The following NAALADL2 variants were observed in gnomAD, a reference collection of about 807,000 sequenced individuals.
NAALADL2 encodes N-acetylated alpha-linked acidic dipeptidase like 2.
NAALADL2 carries 76 observed loss-of-function variants against 87.2 expected under a neutral mutation model. The observed-to-expected ratio is 0.87, with a 90% confidence interval of 0.72 to 1.05. NAALADL2 has a LOEUF of 1.05. Among genes scored for constraint, NAALADL2 ranks in the 50% least tolerant of loss-of-function variants. The pLI is 0.00. For missense variants in NAALADL2, 1,089 were observed against 945.8 expected (o/e 1.15, Z -1.99); for synonymous variants, 354 against 331.0 (o/e 1.07, Z -0.75).
At chr3:175,573,907 G>GT (rs1582459836) in intron 9 of NAALADL2, among the ~76,000 whole-genome samples, 3 of 152,094 alleles carry the variant, frequency 2.0e-5, no homozygotes, top group African/African-American at 7.2e-5. Context: ...TTCCAAAGTG[G>GT]TTAATCAGCC....
chr3:175,658,685 A>G (rs1206433241), intron 11 of NAALADL2, among the ~76,000 whole-genome samples: 1 of 152,174 alleles, frequency 6.6e-6, no homozygotes, highest in Admixed American at 6.5e-5. Flanking sequence ...GCAGAAATAT[A>G]TGTATATGTA....
chr3:175,765,004 A>T (rs1328889969), intron 13 of NAALADL2, among the ~76,000 whole-genome samples: 1 of 152,088 alleles, frequency 6.6e-6, no homozygotes, highest in Admixed American at 6.6e-5. Flanking sequence ...ATGGAACTAA[A>T]ATCCCACCAT....
chr3:174,950,603 A>G (rs1740195054), intron 1 of NAALADL2, among the ~76,000 whole-genome samples: 1 of 152,228 alleles, frequency 6.6e-6, no homozygotes, highest in South Asian at 2.1e-4. Context: ...GTTCTTGAAG[A>G]GTTCAAAGCC....
intron 1 of NAALADL2, among the ~76,000 whole-genome samples, chr3:174,548,368 G>A (rs947806664): frequency 6.6e-6 from 1 of 151,968 alleles, no homozygotes; most frequent in Non-Finnish European, 1.5e-5. Context: ...TCAAATTAAT[G>A]TACATATGCA....
chr3:175,330,312 C>T (rs1226497112), intron 5 of NAALADL2, among the ~76,000 whole-genome samples: 2 of 152,086 alleles, frequency 1.3e-5, no homozygotes, highest in Non-Finnish European at 2.9e-5. Flanking sequence ...CTACATTTTG[C>T]AGATGCCTTT....
At chr3:174,984,527 G>T (rs1745567758) in intron 1 of NAALADL2, among the ~76,000 whole-genome samples, 1 of 152,080 alleles carries the variant, frequency 6.6e-6, no homozygotes, top group Non-Finnish European at 1.5e-5. Context: ...AAACCCAATG[G>T]ATCAGAAACT....
At chr3:174,483,322 C>G (rs1192452377) in intron 1 of NAALADL2, among the ~76,000 whole-genome samples, 3 of 152,026 alleles carry the variant, frequency 2.0e-5, no homozygotes, top group Non-Finnish European at 4.4e-5. Flanking sequence ...AGTAGCAAGT[C>G]ACCTTCTTCA....
chr3:174,478,047 G>C (rs759683080), intron 1 of NAALADL2, among the ~76,000 whole-genome samples: 5 of 152,152 alleles, frequency 3.3e-5, no homozygotes, highest in Non-Finnish European at 5.9e-5. Flanking sequence ...CTCAGTTGTT[G>C]GTTTTTTAAG....
chr3:174,625,842 A>G (rs1395324558), intron 2 of NAALADL2, among the ~76,000 whole-genome samples: 1 of 152,026 alleles, frequency 6.6e-6, no homozygotes, highest in African/African-American at 2.4e-5. Flanking sequence ...TTATGGAAAT[A>G]TTCACACCTG....
At chr3:174,819,709 G>T (rs1239824371) in intron 3 of NAALADL2, among the ~76,000 whole-genome samples, 1 of 152,010 alleles carries the variant, frequency 6.6e-6, no homozygotes, top group African/African-American at 2.4e-5. Context: ...TTGTATGAAG[G>T]TATATAGCCT....
At chr3:175,453,774 T>G (rs1721919843) in intron 6 of NAALADL2, among the ~76,000 whole-genome samples, 1 of 152,138 alleles carries the variant, frequency 6.6e-6, no homozygotes, top group Non-Finnish European at 1.5e-5. Flanking sequence ...CCACTTAGAC[T>G]AAGTTCCTTA....
intron 2 of NAALADL2, among the ~76,000 whole-genome samples, chr3:174,651,338 T>C (rs765817401): frequency 2.0e-5 from 3 of 152,204 alleles, no homozygotes. Flanking sequence ...CAGTTTATTA[T>C]GTAGCGTATT....
chr3:174,609,980 A>T (rs1351827000), intron 2 of NAALADL2, among the ~76,000 whole-genome samples: 1 of 152,150 alleles, frequency 6.6e-6, no homozygotes, highest in Non-Finnish European at 1.5e-5. Flanking sequence ...AGATCAATGG[A>T]ACAGAACAGA....
chr3:175,231,585 G>A (rs890682160), intron 2 of NAALADL2, among the ~76,000 whole-genome samples: 3 of 151,998 alleles, frequency 2.0e-5, no homozygotes, highest in South Asian at 2.1e-4. Context: ...AACATTCAAT[G>A]TTTTCAGTTG....
chr3:174,898,295 A>G (rs1191042671), intron 1 of NAALADL2, among the ~76,000 whole-genome samples: 2 of 151,650 alleles, frequency 1.3e-5, no homozygotes, highest in East Asian at 3.9e-4. Flanking sequence ...TACTCATGAT[A>G]TAGAGAGTAG....
At chr3:175,632,870 T>C (rs1464736735) in intron 11 of NAALADL2, among the ~76,000 whole-genome samples, 2 of 152,082 alleles carry the variant, frequency 1.3e-5, no homozygotes, top group African/African-American at 4.8e-5. Context: ...ACTAGTCACA[T>C]GTGGATTGAA....
chr3:175,320,322 T>A (rs528417328), intron 4 of NAALADL2, among the ~76,000 whole-genome samples: 7 of 152,220 alleles, frequency 4.6e-5, no homozygotes, highest in Non-Finnish European at 1.0e-4. Flanking sequence ...ATTGTGTGCT[T>A]ACCAAGGAAC....
intron 1 of NAALADL2, among the ~76,000 whole-genome samples, chr3:174,967,977 A>G (rs945669309): frequency 6.6e-6 from 1 of 152,220 alleles, no homozygotes; most frequent in African/African-American, 2.4e-5. Flanking sequence ...GCTTTTGTCT[A>G]TAGATAATTT....
chr3:174,805,059 A>G (rs1332539884), intron 3 of NAALADL2, among the ~76,000 whole-genome samples: 5 of 152,176 alleles, frequency 3.3e-5, no homozygotes, highest in Non-Finnish European at 5.9e-5. Flanking sequence ...TGCTAGGGTT[A>G]AAATGAGATG....
Sources: gnomAD v4.1 joint callset for allele counts (sites outside exome capture counted in the v4.1 genomes callset) on GRCh38, gnomAD v4.1.1 for gene constraint, MANE v1.5 for transcripts, NCBI Gene and HGNC (gene_info 2026-07-23, HGNC 2026-07-21) for gene names.